Variants in CFAP263 observed in about 807,000 individuals in gnomAD.
CFAP263 encodes cilia and flagella associated protein 263.
the CFAP263 span, chr16:58,250,170 G>C: frequency 1.2e-5 from 13 of 1,121,834 alleles, no homozygotes; most frequent in South Asian, 1.6e-4. Flanking sequence ...CCTCCTCTCC[G>C]GGCGGCCTCG....
the CFAP263 span, among the ~76,000 whole-genome samples, chr16:58,264,824 C>T: frequency 1.3e-4 from 20 of 152,322 alleles, 1 homozygote; most frequent in East Asian, 3.7e-3. Flanking sequence ...AAATATCAAA[C>T]ACTGAAGTGT....
At chr16:58,267,193 T>C in the CFAP263 span, among the ~76,000 whole-genome samples, 1 of 152,096 alleles carries the variant, frequency 6.6e-6, no homozygotes, top group Non-Finnish European at 1.5e-5. Flanking sequence ...TTTAGAGAGG[T>C]TCTGGGACCT....
chr16:58,276,120 A>G, the CFAP263 span, among the ~76,000 whole-genome samples: 1 of 152,226 alleles, frequency 6.6e-6, no homozygotes, highest in African/African-American at 2.4e-5. Flanking sequence ...AAAACTAATA[A>G]CTAATAGAAA....
the CFAP263 span, among the ~76,000 whole-genome samples, chr16:58,266,451 A>C: frequency 1.7e-5 from 2 of 119,368 alleles, no homozygotes; most frequent in African/African-American, 6.5e-5. Context: ...AACCTTCTCC[A>C]ACCACTGTCC....
At chr16:58,272,630 G>T in the CFAP263 span, among the ~76,000 whole-genome samples, 2 of 152,174 alleles carry the variant, frequency 1.3e-5, no homozygotes, top group Non-Finnish European at 2.9e-5. Flanking sequence ...TTCATAAGTG[G>T]TTCATTGTTG....
the CFAP263 span, chr16:58,254,189 T>G: frequency 6.2e-7 from 1 of 1,611,892 alleles, no homozygotes; most frequent in Non-Finnish European, 8.5e-7. Flanking sequence ...CAGCCTGTCC[T>G]GCCCAGGCTC....
chr16:58,262,363 C>T, the CFAP263 span: 1 of 1,585,062 alleles, frequency 6.3e-7, no homozygotes, highest in Non-Finnish European at 8.6e-7. Flanking sequence ...ATCATCTTTT[C>T]TTTCATCTTT....
chr16:58,266,879 C>T, the CFAP263 span, among the ~76,000 whole-genome samples: 6 of 152,118 alleles, frequency 3.9e-5, no homozygotes, highest in Admixed American at 6.5e-5. Flanking sequence ...CCTCGTTAGG[C>T]GATGAGATGG....
At chr16:58,262,087 C>G in the CFAP263 span, among the ~76,000 whole-genome samples, 1 of 152,008 alleles carries the variant, frequency 6.6e-6, no homozygotes, top group East Asian at 1.9e-4. Flanking sequence ...GCCCTCTGCC[C>G]CCACTCCCCC....
At chr16:58,277,376 G>A in the CFAP263 span, among the ~76,000 whole-genome samples, 4 of 152,108 alleles carry the variant, frequency 2.6e-5, no homozygotes, top group African/African-American at 7.2e-5. Flanking sequence ...TGATCCGCCC[G>A]CCTTAGCCTC....
At chr16:58,258,575 T>G in the CFAP263 span, 17 of 1,551,176 alleles carry the variant, frequency 1.1e-5, no homozygotes, top group Non-Finnish European at 1.3e-5. Flanking sequence ...TACAGGGATG[T>G]TATGGAAATC....
the CFAP263 span, among the ~76,000 whole-genome samples, chr16:58,260,564 G>A: frequency 6.6e-6 from 1 of 152,186 alleles, no homozygotes; most frequent in Non-Finnish European, 1.5e-5. Flanking sequence ...CTGGGAATAT[G>A]GCCTGGTGGC....
the CFAP263 span, among the ~76,000 whole-genome samples, chr16:58,256,837 AAT>A: frequency 6.8e-6 from 1 of 146,074 alleles, no homozygotes. Flanking sequence ...TTTTTATAGT[AAT>A]ATGTGTGTGT....
the CFAP263 span, chr16:58,262,523 G>A: frequency 6.2e-7 from 1 of 1,607,676 alleles, no homozygotes. Flanking sequence ...CACTCTGCAG[G>A]TTCTCAATGC....
chr16:58,253,014 C>T, the CFAP263 span, among the ~76,000 whole-genome samples: 6 of 152,154 alleles, frequency 3.9e-5, no homozygotes, highest in Non-Finnish European at 4.4e-5. Flanking sequence ...GTTTCTCTTT[C>T]AAGTGACTGT....
chr16:58,266,847 C>T, the CFAP263 span, among the ~76,000 whole-genome samples: 1 of 152,080 alleles, frequency 6.6e-6, no homozygotes, highest in East Asian at 1.9e-4. Context: ...CTGCAGGACT[C>T]CTCTAAAACT....
chr16:58,265,587 C>T, the CFAP263 span, among the ~76,000 whole-genome samples: 1 of 100,416 alleles, frequency 1.0e-5, no homozygotes, highest in Admixed American at 8.2e-5. Flanking sequence ...TTGACAAGAA[C>T]CACAGCTCTG....
At chr16:58,280,138 C>T in the CFAP263 span, 1 of 1,402,490 alleles carries the variant, frequency 7.1e-7, no homozygotes. Context: ...GTGCAACTAT[C>T]AAAAACAGAC....
At chr16:58,282,378 T>A in the CFAP263 span, 1 of 152,278 alleles carries the variant, frequency 6.6e-6, no homozygotes, top group Non-Finnish European at 1.5e-5. Flanking sequence ...CTTCAAGTGA[T>A]CTGCCCGCCT....
Sources: allele counts gnomAD v4.1 joint callset (sites outside exome capture counted in the v4.1 genomes callset), GRCh38; gene constraint gnomAD v4.1.1; transcripts MANE v1.5; gene names NCBI Gene and HGNC (gene_info 2026-07-23, HGNC 2026-07-21).